The following TYSND1 variants were observed in gnomAD, a reference collection of about 807,000 sequenced individuals.
TYSND1 encodes trypsin like peroxisomal matrix peptidase 1.
TYSND1 carries 30 observed loss-of-function variants against 37.2 expected under a neutral mutation model. The ratio of observed to expected loss-of-function variants is 0.81; its 90% CI spans 0.60 to 1.09. The LOEUF (loss-of-function observed/expected upper bound fraction) is 1.09, where lower values mean the gene tolerates loss of function less well. Ranked by LOEUF, TYSND1 falls within the 50% of genes least tolerant of loss-of-function variation. The pLI is 0.00. For missense variants in TYSND1, 806 were observed against 817.4 expected (o/e 0.99, Z 0.17); for synonymous variants, 364 against 383.8 (o/e 0.95, Z 0.60).
chr10:70,145,482 T>A lies in TYSND1; in HGVS notation c.1105A>T (p.Thr369Ser), dbSNP rs373686566. The change falls in exon 1 of 4, where the codon ACC becomes TCC. Residue 369 changes from threonine to serine, a missense_variant. By Grantham distance (58) the Thr-to-Ser change is moderately conservative (BLOSUM62 1). Around this residue, in one of 3 missense-constraint regions of TYSND1, gnomAD observed 708 missense variants for 705.4 expected, o/e 1.00. Transcript: ENST00000287078. ...TCCCGAGGGGACACGTGCCGACAGGTCACTACAAGGCGGGGTGCCACAGCC... is the reference window on the plus strand; with the variant it reads ...TCCCGAGGGGACACGTGCCGACAGGACACTACAAGGCGGGGTGCCACAGCC... ...GVAVAPRLVV[T>S]CRHVSPREAA... 3.3e-6 allele frequency: 5 copies of A among 1,509,906 alleles called. No homozygotes were observed. Among genetic ancestry groups the A allele is most frequent in the Non-Finnish European group, 4.4e-6 (5 of 1,132,908 alleles). 93.5% of individuals were successfully genotyped at this position (1,509,906 alleles called of 1,614,324 possible).
chr10:70,142,874 G>A, intron 2 of TYSND1, 21 bp from the exon 3 acceptor site: 2 of 1,610,542 alleles, frequency 1.2e-6, no homozygotes, highest in Non-Finnish European at 1.7e-6. Flanking sequence ...AGGAAGGAGG[G>A]TGAAGCTGGG....
At position 70,143,867 on chromosome 10, in the gene TYSND1, A is replaced by G. The variant is rs1383570908; in HGVS notation, c.1272T>C (p.Pro424=). ...LEEDLDDVPI[P]VPAEHFHEGE... is the part of the protein sequence containing the mutation. ...CTTCATGGAAGTGCTCAGCGGGCAC[A>G]GGGATGGGGACATCATCCAGGTCCT... Residue 424 remains proline (P), a synonymous_variant, in exon 2 of 4, where the codon CCT becomes CCC. Coordinates refer to ENST00000287078, the MANE Select transcript of TYSND1 (RefSeq NM_173555.4). 1 of 1,614,188 alleles carries G rather than the reference A, an allele frequency of 6.2e-7. No individual in the cohort carries two copies. Among genetic ancestry groups the G allele is most frequent in the Non-Finnish European group, 8.5e-7 (1 of 1,180,006 alleles).
At chr10:70,143,309 G>A (rs1469317354) in intron 2 of TYSND1, among the ~76,000 whole-genome samples, 3 of 152,196 alleles carry the variant, frequency 2.0e-5, no homozygotes, top group Non-Finnish European at 4.4e-5. Flanking sequence ...TACAGGCAAC[G>A]TCACACCCAG....
chr10:70,145,572 A>G lies in TYSND1; in HGVS notation c.1015T>C (p.Ser339Pro). Residue 339 changes from serine (S) to proline (P), a missense_variant, in exon 1 of 4, where the codon TCC (serine) becomes CCC (proline). Ser to Pro is a moderately conservative substitution (Grantham distance 74). Coordinates refer to ENST00000287078, the MANE Select transcript of TYSND1 (RefSeq NM_173555.4). ...GVPWGLPLRD[S>P]GPLWAAAAVL... ...GCCGCGGCTGCCCACAGGGGCCCGG[A>G]GTCTCGGAGGGGCAGACCCCACGGG... 6.7e-7 allele frequency: 1 copy of G among 1,482,188 alleles called. No homozygotes were observed. Among genetic ancestry groups the G allele is most frequent in the South Asian group, 1.3e-5 (1 of 77,772 alleles). 91.8% of individuals were successfully genotyped at this position (1,482,188 alleles called of 1,614,324 possible).
In TYSND1 at chr10:70,140,154, C is replaced by T. The variant is rs1232912624; in HGVS notation, c.1484-13G>A. The T allele has an allele frequency of 6.3e-7, 1 of 1,589,924 alleles. No homozygotes were observed. Among genetic ancestry groups the T allele is most frequent in the East Asian group, 2.3e-5 (1 of 44,426 alleles). ...CTGGTGATTATGCCTGTTGAGGAGT[C>T]AGAGAGCAAAAGAGGATGTGAGCCA... On this transcript the variant is annotated splice_polypyrimidine_tract_variant and intron_variant, in intron 3 of 3. Coordinates refer to ENST00000287078, the MANE Select transcript of TYSND1 (RefSeq NM_173555.4).
chr10:70,145,496 G>A lies in TYSND1; in HGVS notation c.1091C>T (p.Pro364Leu), dbSNP rs749281400. 6 of 1,529,800 alleles carry A rather than the reference G, an allele frequency of 3.9e-6. No individual in the cohort carries two copies. The South Asian group carries it at 6.1e-5, about 15-fold the overall frequency. The allele number at this position is 1,529,800 out of a possible 1,614,324, so 94.8% of individuals were successfully genotyped here. A position where few individuals can be genotyped will look rare whatever the true frequency, so the allele number is the denominator to read the frequency against. The part of the protein sequence containing the change: ...TVWGSGVAVA[P>L]RLVVTCRHVS... Reference sequence around the variant, plus strand: ...GTGCCGACAGGTCACTACAAGGCGGGGTGCCACAGCCACTCCGGAGCCCCA... The same window carrying A: ...GTGCCGACAGGTCACTACAAGGCGGAGTGCCACAGCCACTCCGGAGCCCCA... Residue 364 changes from proline (P) to leucine (L), a missense_variant, in exon 1 of 4, where the codon CCC becomes CTC. Physicochemically the swap from Pro to Leu is moderately conservative, Grantham distance 98. Around this residue, in one of 3 missense-constraint regions of TYSND1, gnomAD observed 708 missense variants for 705.4 expected, o/e 1.00. Transcript: ENST00000287078.
rs1272952919 is a variant in TYSND1, at chr10:70,145,849, C to G, written c.738G>C (p.Val246=). The part of the protein sequence containing the change: ...NTLSCGVLSN[V]AGPLLLTDAR... ...CGTCGGTAAGCAGCAGTGGGCCGGC[C>G]ACGTTGCTGAGCACCCCGCAGCTCA... Residue 246 remains valine (V), a synonymous_variant, in exon 1 of 4, where the codon GTG becomes GTC. Coordinates refer to ENST00000287078, the MANE Select transcript of TYSND1 (RefSeq NM_173555.4). The G allele has an allele frequency of 6.5e-7, 1 of 1,540,732 alleles. No homozygotes were observed. Among genetic ancestry groups the G allele is most frequent in the Non-Finnish European group, 8.7e-7 (1 of 1,142,980 alleles).
intron 3 of TYSND1, among the ~76,000 whole-genome samples, chr10:70,140,612 T>C (rs543917937): frequency 2.0e-5 from 3 of 152,364 alleles, no homozygotes; most frequent in African/African-American, 7.2e-5. Flanking sequence ...TGTGTAGTTT[T>C]TTAAAGATAA....
chr10:70,143,889 T>C lies in TYSND1; in HGVS notation c.1250A>G (p.Asp417Gly). Residue 417 changes from aspartate (D) to glycine (G), a missense_variant, in exon 2 of 4, where the codon GAC (aspartate) becomes GGC (glycine). Around this residue, in one of 3 missense-constraint regions of TYSND1, gnomAD observed 708 missense variants for 705.4 expected, o/e 1.00. Transcript: ENST00000287078. The stretch of plus-strand genomic sequence containing the variant: ...CACAGGGATGGGGACATCATCCAGG[T>C]CCTCCTCCAGGCTCACCACTGCTAT... ...YDIAVVSLEE[D>G]LDDVPIPVPA... is the part of the protein sequence containing the mutation. The C allele has an allele frequency of 6.2e-7, 1 of 1,614,160 alleles. No homozygotes were observed. Among genetic ancestry groups the C allele is most frequent in the Non-Finnish European group, 8.5e-7 (1 of 1,180,030 alleles).
rs963755685 is a variant in TYSND1, at chr10:70,145,583, G to A, written c.1004C>T (p.Pro335Leu). ...PPEVGVPWGL[P>L]LRDSGPLWAA... The stretch of plus-strand genomic sequence containing the variant: ...CCACAGGGGCCCGGAGTCTCGGAGG[G>A]GCAGACCCCACGGGACGCCCACCTC... The change falls in exon 1 of 4, where the codon CCC becomes CTC. Residue 335 changes from proline (P) to leucine (L), a missense_variant. Coordinates refer to ENST00000287078, the MANE Select transcript of TYSND1 (RefSeq NM_173555.4). 1.4e-6 allele frequency: 2 copies of A among 1,466,908 alleles called. No homozygotes were observed. The highest frequency in any genetic ancestry group is 1.5e-5 in the African/African-American group (1 of 68,206). 90.9% of individuals were successfully genotyped at this position (1,466,908 alleles called of 1,614,324 possible). A position where few individuals can be genotyped will look rare whatever the true frequency, so the allele number is the denominator to read the frequency against.
intron 3 of TYSND1, among the ~76,000 whole-genome samples, chr10:70,140,531 GAATGAATGAA>G (rs1232369033): frequency 2.0e-5 from 3 of 150,612 alleles, no homozygotes; most frequent in Non-Finnish European, 4.4e-5. Context: ...ATGAATGAAT[GAATGAATGAA>G]TGAATGAATG....
At position 70,145,990 on chromosome 10, in the gene TYSND1, C is replaced by CT; in HGVS notation, c.596dup (p.Glu200GlyfsTer209). ...ACACCGCCATGGCTGGCCCGCGCTC[C>CT]TCCTCCACCTCCTCCTGGCCTAGCC... On this transcript the variant is annotated frameshift_variant, in exon 1 of 4. Transcript: ENST00000287078. LOFTEE classifies it high-confidence loss of function. 3.8e-6 allele frequency: 6 copies of CT among 1,579,370 alleles called. No homozygotes were observed. Among genetic ancestry groups the CT allele is most frequent in the Non-Finnish European group, 5.2e-6 (6 of 1,164,096 alleles).
In TYSND1 at chr10:70,139,270, CT is replaced by C. The variant is rs1382881993; in HGVS notation, c.*653del. 1.3e-5 allele frequency: 2 copies of C among 152,664 alleles called. No individual in the cohort carries two copies. The highest frequency in any genetic ancestry group is 4.8e-5 in the African/African-American group (2 of 41,450). The allele number at this position is 152,664 out of a possible 1,614,324, so 9.5% of individuals were successfully genotyped here. ...AGACATGTTCTACCCCTCAAGATCCCTGAGACCCAGGCTGTGGGCTGGAAAA... is the reference window on the plus strand; with the variant it reads ...AGACATGTTCTACCCCTCAAGATCCCGAGACCCAGGCTGTGGGCTGGAAAA... On this transcript the variant is annotated 3_prime_UTR_variant, in exon 4 of 4. Transcript: ENST00000287078.
At position 70,143,928 on chromosome 10, in the gene TYSND1, G is replaced by A. The variant is rs779029401; in HGVS notation, c.1211C>T (p.Thr404Ile). 8.7e-6 allele frequency: 14 copies of A among 1,614,250 alleles called. No individual in the cohort carries two copies. The South Asian group carries it at 1.5e-4, about 18-fold the overall frequency. ...CACCACTGCTATGTCATAGGGACAT[G>A]TCTCCTGAGTGGCAAATACCACACG... ...WGRVVFATQETCPYDIAVVSL... is the reference protein window; with the variant it reads ...WGRVVFATQEICPYDIAVVSL... The change falls in exon 2 of 4, where the codon ACA (threonine) becomes ATA (isoleucine). Residue 404 changes from threonine (T) to isoleucine (I), a missense_variant. Physicochemically the swap from Thr to Ile is moderately conservative, Grantham distance 89. This residue lies in a region of TYSND1 where 708 missense variants were observed against 705.4 expected (regional missense o/e 1.00). Transcript: ENST00000287078.
rs1839221305 is a variant in TYSND1, at chr10:70,146,247, C to T, written c.340G>A (p.Glu114Lys). 6.7e-7 allele frequency: 1 copy of T among 1,482,702 alleles called. No individual in the cohort carries two copies. The highest frequency in any genetic ancestry group is 1.3e-5 in the South Asian group (1 of 74,140). The allele number at this position is 1,482,702 out of a possible 1,614,324, so 91.8% of individuals were successfully genotyped here. A position where few individuals can be genotyped will look rare whatever the true frequency, so the allele number is the denominator to read the frequency against. Residue 114 changes from glutamate (E) to lysine (K), a missense_variant, in exon 1 of 4, where the codon GAG becomes AAG. Physicochemically the swap from Glu to Lys is moderately conservative, Grantham distance 56. Around this residue, in one of 3 missense-constraint regions of TYSND1, gnomAD observed 708 missense variants for 705.4 expected, o/e 1.00. Transcript: ENST00000287078. The part of the protein sequence containing the change: ...GLCTPQCASL[E>K]PGPPAPSRGR... ...CGGGACGGGGCAGGTGGGCCGGGCT[C>T]GAGGCTCGCGCACTGGGGCGTGCAC...
In TYSND1 at chr10:70,146,336, T is replaced by A. The variant is rs1222882762; in HGVS notation, c.251A>T (p.His84Leu). The change falls in exon 1 of 4, where the codon CAC becomes CTC. Residue 84 changes from histidine to leucine, a missense_variant. Around this residue, in one of 3 missense-constraint regions of TYSND1, gnomAD observed 708 missense variants for 705.4 expected, o/e 1.00. Coordinates refer to ENST00000287078, the MANE Select transcript of TYSND1 (RefSeq NM_173555.4). Reference sequence around the variant, plus strand: ...CGCGGCCGTTGGGGCCCACTGCACGTGCAGGCGCAGGTCGTCCCTGCAACT... The same window carrying A: ...CGCGGCCGTTGGGGCCCACTGCACGAGCAGGCGCAGGTCGTCCCTGCAACT... Reference protein sequence around the residue: ...GDSCRDDLRLHVQWAPTAAGP... With the variant: ...GDSCRDDLRLLVQWAPTAAGP... 6.5e-7 allele frequency: 1 copy of A among 1,532,174 alleles called. No individual in the cohort carries two copies. Among genetic ancestry groups the A allele is most frequent in the Non-Finnish European group, 8.7e-7 (1 of 1,145,972 alleles). The allele number at this position is 1,532,174 out of a possible 1,614,324, so 94.9% of individuals were successfully genotyped here.
rs762026818 is a variant in TYSND1, at chr10:70,146,185, C to T, written c.402G>A (p.Leu134=). Residue 134 remains leucine (L), a synonymous_variant, in exon 1 of 4, where the codon CTG becomes CTA. Transcript: ENST00000287078. ...RPLQPRLPAE[L]LLLLSCPAFW... ...AGGCCGGGCAGCTCAGCAGCAGCAG[C>T]AGCTCAGCAGGAAGCCGGGGCTGCA... 6 of 1,539,232 alleles carry T rather than the reference C, an allele frequency of 3.9e-6. No individual in the cohort carries two copies. The highest frequency in any genetic ancestry group is 1.4e-5 in the African/African-American group (1 of 72,852).
Position 70,146,102 on chromosome 10 carries a change from G to C in TYSND1, c.485C>G (p.Ser162Trp), listed in dbSNP as rs376300082. Residue 162 changes from serine to tryptophan, a missense_variant, in exon 1 of 4, where the codon TCG becomes TGG. Ser to Trp is a radical substitution (Grantham distance 177). Transcript: ENST00000287078. ...GDEAAEQWRF[S>W]SAARDDEVSE... The stretch of plus-strand genomic sequence containing the variant: ...CACTTCGTCATCCCGCGCCGCGCTC[G>C]AGAAGCGCCACTGTTCCGCTGCCTC... 1.9e-6 allele frequency: 3 copies of C among 1,574,406 alleles called. No individual in the cohort carries two copies. The highest frequency in any genetic ancestry group is 1.2e-5 in the South Asian group (1 of 85,996).
chr10:70,144,174 C>T, intron 1 of TYSND1: 1 of 630,128 alleles, frequency 1.6e-6, no homozygotes. Context: ...TTCTCTAAAG[C>T]TTCCTGTACC....
Sources: gnomAD v4.1 joint callset for allele counts (sites outside exome capture counted in the v4.1 genomes callset) on GRCh38, gnomAD v4.1.1 for gene constraint, gnomAD v4.1.1 regional missense constraint, MANE v1.5 for transcripts, NCBI Gene and HGNC (gene_info 2026-07-23, HGNC 2026-07-21) for gene names.